The following TEX10 variants were observed in gnomAD, a reference collection of about 807,000 sequenced individuals.
The protein encoded by TEX10 is testis expressed 10, also known as testis-expressed protein 10.
Under a neutral mutation model 104.4 loss-of-function variants are expected in TEX10, and 24 were observed. The observed-to-expected ratio is 0.23, with a 90% CI of 0.17 to 0.32. TEX10 has a LOEUF of 0.32. TEX10 is among the 10% of genes least tolerant of loss of function. The pLI is 1.00. For synonymous variants in TEX10, 396 were observed against 393.4 expected, an observed-to-expected ratio of 1.01 and a Z score of -0.08; for missense variants, 921 against 1,083.9, an observed-to-expected ratio of 0.85 and a Z score of 2.11.
intron 8 of TEX10, 79 bp downstream of exon 8, chr9:100,327,708 A>G: frequency 8.2e-7 from 1 of 1,222,254 alleles, no homozygotes; most frequent in Non-Finnish European, 1.1e-6. Context: ...GCAAAATTAC[A>G]GAGCTCCCCT....
chr9:100,351,652 C>G (rs887292791), intron 1 of TEX10, among the ~76,000 whole-genome samples: 3 of 152,172 alleles, frequency 2.0e-5, no homozygotes, highest in African/African-American at 7.2e-5. Context: ...CTTCAACAGT[C>G]TACTGTCAAC....
At chr9:100,320,061 A>C (rs1197575141) in intron 11 of TEX10, among the ~76,000 whole-genome samples, 2 of 152,158 alleles carry the variant, frequency 1.3e-5, no homozygotes, top group Non-Finnish European at 2.9e-5. Context: ...CTATCATTCA[A>C]ATTGCTGATT....
chr9:100,324,326 G>A (rs796794566), intron 9 of TEX10, among the ~76,000 whole-genome samples: 33 of 152,064 alleles, frequency 2.2e-4, no homozygotes, highest in African/African-American at 6.3e-4. Context: ...GAGCCACTGC[G>A]CCTGGCTAGT....
chr9:100,318,458 A>T (rs1208326391), intron 11 of TEX10, among the ~76,000 whole-genome samples: 2 of 152,188 alleles, frequency 1.3e-5, no homozygotes, highest in Non-Finnish European at 2.9e-5. Flanking sequence ...ATAGAGACTC[A>T]AAAAGGTGAA....
chr9:100,336,469 C>A (rs1835012786), intron 5 of TEX10, among the ~76,000 whole-genome samples: 1 of 152,102 alleles, frequency 6.6e-6, no homozygotes, highest in Admixed American at 6.6e-5. Context: ...ACTGTGCATG[C>A]GAGGGATCTA....
intron 5 of TEX10, among the ~76,000 whole-genome samples, chr9:100,335,517 T>C (rs1467586459): frequency 6.6e-6 from 1 of 152,144 alleles, no homozygotes; most frequent in Non-Finnish European, 1.5e-5. Flanking sequence ...CATGACTTAA[T>C]ACAATTATTT....
At chr9:100,349,010 GAC>G (rs1835372224) in intron 2 of TEX10, among the ~76,000 whole-genome samples, 172 bp downstream of exon 2, 1 of 152,196 alleles carries the variant, frequency 6.6e-6, no homozygotes, top group Non-Finnish European at 1.5e-5. Context: ...GAAGTGGAAA[GAC>G]ACAGCTGCAT....
At chr9:100,326,163 G>C in intron 9 of TEX10, 139 bp downstream of exon 9, 1 of 838,738 alleles carries the variant, frequency 1.2e-6, no homozygotes, top group Non-Finnish European at 1.8e-6. Flanking sequence ...ACTCTACCTA[G>C]TGATATAGTT....
rs931703949 is a variant in TEX10, at chr9:100,304,009, A to G, written c.2466-167T>C. 7.7e-6 allele frequency: 5 copies of G among 647,906 alleles called. No homozygotes were observed. In the African/African-American group the frequency reaches 9.1e-5, roughly 12 times the overall value. 40.1% of individuals were successfully genotyped at this position (647,906 alleles called of 1,614,324 possible). On this transcript the variant is annotated intron_variant, in intron 13 of 14. Transcript: ENST00000374902. ...AATCTCACTTACAATAGCCACACAC[A>G]CACACTAAATACCTAGGAATACATC...
Position 100,347,406 on chromosome 9 carries a change from C to T in TEX10, c.181G>A (p.Asp61Asn), listed in dbSNP as rs745513402. 1 of 1,550,096 alleles carries T rather than the reference C, an allele frequency of 6.5e-7. No individual in the cohort carries two copies. The highest frequency in any genetic ancestry group is 2.3e-5 in the East Asian group (1 of 44,334). ...PTNNRKLNIK[D>N]LLSQMHHYNA... ...TAGTGATGCATCTGTGACAGCAAAT[C>T]CTATAAATAAAAATACAAATTTTAG... is the stretch of plus-strand genomic sequence containing the variant. Residue 61 changes from aspartate (D) to asparagine (N), a missense_variant and splice_region_variant, in exon 3 of 15, where the codon GAT becomes AAT. Asp to Asn is a conservative substitution (Grantham distance 23, BLOSUM62 1). Transcript: ENST00000374902.
intron 11 of TEX10, among the ~76,000 whole-genome samples, chr9:100,312,708 G>C (rs1202026079): frequency 6.6e-6 from 1 of 152,144 alleles, no homozygotes; most frequent in Non-Finnish European, 1.5e-5. Flanking sequence ...TACCAAGAAA[G>C]TTACATGTGC....
Position 100,303,656 on chromosome 9 carries a change from C to T in TEX10, c.2652G>A (p.Val884=). The change falls in exon 14 of 15, where the codon GTG becomes GTA. Residue 884 remains valine (V), a synonymous_variant. Transcript: ENST00000374902. ...CCGTGATATTCTTGATGATCTGCTG[C>T]ACCAAGATCGCATTGGTCAACATAT... ...RTHMLTNAIL[V]QQIIKNITTL... is the part of the protein sequence containing the mutation. 1 of 1,614,112 alleles carries T rather than the reference C, an allele frequency of 6.2e-7. No homozygotes were observed. The highest frequency in any genetic ancestry group is 8.5e-7 in the Non-Finnish European group (1 of 1,180,036).
intron 4 of TEX10, among the ~76,000 whole-genome samples, chr9:100,341,988 G>T (rs1835185768): frequency 1.3e-5 from 2 of 152,004 alleles, no homozygotes; most frequent in African/African-American, 2.4e-5. Context: ...TCCTTACCAG[G>T]GACCACAGAG....
chr9:100,309,379 T>C (rs1020893404), intron 12 of TEX10, among the ~76,000 whole-genome samples: 1 of 152,234 alleles, frequency 6.6e-6, no homozygotes, highest in African/African-American at 2.4e-5. Context: ...GTAATGATTT[T>C]ACAAAGTCTG....
intron 5 of TEX10, among the ~76,000 whole-genome samples, chr9:100,339,798 T>A (rs1458578579): frequency 6.6e-6 from 1 of 152,070 alleles, no homozygotes; most frequent in East Asian, 1.9e-4. Flanking sequence ...ACTTTCACCT[T>A]CTAATCAATT....
At chr9:100,332,057 A>T (rs527311255) in intron 5 of TEX10, among the ~76,000 whole-genome samples, 1 of 152,222 alleles carries the variant, frequency 6.6e-6, no homozygotes, top group Non-Finnish European at 1.5e-5. Flanking sequence ...TGTTGAGCCT[A>T]AAGTATCATA....
chr9:100,321,684 TG>T lies in TEX10; in HGVS notation c.2066del (p.Thr689LysfsTer8). 6.2e-7 allele frequency: 1 copy of T among 1,610,216 alleles called. No individual in the cohort carries two copies. Among genetic ancestry groups the T allele is most frequent in the South Asian group, 1.1e-5 (1 of 90,900 alleles). The part of the protein sequence containing the change: ...DYFSFLFSTL[T>X]GFSKEELTWL... ...AATCTGGCAAGTGAATGTGGTTACC[TG>T]TAAGTGTGGAAAATAAGAAGCTGAA... On this transcript the variant is annotated frameshift_variant and splice_region_variant, in exon 10 of 15. Coordinates refer to ENST00000374902, the MANE Select transcript of TEX10 (RefSeq NM_017746.4). LOFTEE classifies it high-confidence loss of function.
intron 4 of TEX10, among the ~76,000 whole-genome samples, chr9:100,345,548 C>T (rs932882066): frequency 2.6e-5 from 4 of 152,174 alleles, no homozygotes; most frequent in African/African-American, 9.7e-5. Context: ...CCAACTTAAT[C>T]TTGCAGCTTG....
rs141992836 is a variant in TEX10, at chr9:100,311,035, G to A, written c.2203-656C>T. Among the ~76,000 whole-genome samples, 75 of 152,144 alleles carry A rather than the reference G, an allele frequency of 4.9e-4. 2 individuals are homozygous for A. The East Asian group carries it at 0.01, about 21-fold the overall frequency. ...TACTTAACAACTTCAGCAGGTTCTC[G>A]GAAACTATGACTTTAAGCAAAACAA... On this transcript the variant is annotated intron_variant, in intron 11 of 14. Coordinates refer to ENST00000374902, the MANE Select transcript of TEX10 (RefSeq NM_017746.4).
Sources: gnomAD v4.1 joint callset for allele counts (sites outside exome capture counted in the v4.1 genomes callset) on GRCh38, gnomAD v4.1.1 for gene constraint, MANE v1.5 for transcripts, NCBI Gene and HGNC (gene_info 2026-07-23, HGNC 2026-07-21) for gene names.